KHDRBS2: variants seen among roughly 807,000 people sequenced by gnomAD.
KHDRBS2 encodes KH domain-containing, RNA-binding, signal transduction-associated protein 2.
In KHDRBS2, 26 loss-of-function variants were observed where a neutral mutation model predicts 44.3. The ratio of observed to expected loss-of-function variants is 0.59; its 90% confidence interval spans 0.43 to 0.81. The LOEUF is 0.81. Among genes scored for constraint, KHDRBS2 ranks in the 40% least tolerant of loss-of-function variants. KHDRBS2 has a pLI of 0.00. For missense variants in KHDRBS2, 476 were observed against 433.1 expected (o/e 1.10, Z -0.88); for synonymous variants, 194 against 151.1 (o/e 1.28, Z -2.08).
chr6:61,803,467 C>A (rs528120035), intron 6 of KHDRBS2, among the ~76,000 whole-genome samples: 58 of 152,178 alleles, frequency 3.8e-4, no homozygotes, highest in African/African-American at 1.3e-3. Flanking sequence ...ATAATAATAC[C>A]AGCCAACACT....
the KHDRBS2 span, among the ~76,000 whole-genome samples, chr6:61,608,212 G>A: frequency 0.62 from 93,337 of 151,480 alleles, 28,955 homozygotes; most frequent in Non-Finnish European, 0.65. Flanking sequence ...AGCTATATCA[G>A]TCTAACATTT....
At chr6:62,106,472 G>A (rs567027848) in intron 2 of KHDRBS2, among the ~76,000 whole-genome samples, 2 of 152,076 alleles carry the variant, frequency 1.3e-5, no homozygotes, top group Admixed American at 1.3e-4. Context: ...CCTGTATTGG[G>A]TGCATACATA....
chr6:61,996,797 C>G (rs1167304198), intron 3 of KHDRBS2, among the ~76,000 whole-genome samples: 1 of 149,832 alleles, frequency 6.7e-6, no homozygotes, highest in South Asian at 2.2e-4. Context: ...CCCCCTCACC[C>G]CCCCGAGATA....
the KHDRBS2 span, among the ~76,000 whole-genome samples, chr6:61,554,013 G>A: frequency 2.0e-5 from 3 of 152,018 alleles, no homozygotes; most frequent in Non-Finnish European, 4.4e-5. Flanking sequence ...ATGTCTCTTA[G>A]GTCTATTTTG....
chr6:62,026,272 A>G (rs1248214786), intron 3 of KHDRBS2, among the ~76,000 whole-genome samples: 3 of 151,744 alleles, frequency 2.0e-5, no homozygotes, highest in Non-Finnish European at 2.9e-5. Context: ...CAGTAAGCCT[A>G]TTACACCTGA....
At chr6:61,573,949 A>C in the KHDRBS2 span, among the ~76,000 whole-genome samples, 1 of 152,188 alleles carries the variant, frequency 6.6e-6, no homozygotes. Flanking sequence ...ACATAGACCA[A>C]TGGAACACAA....
At chr6:62,143,364 T>A (rs1303161591) in intron 2 of KHDRBS2, among the ~76,000 whole-genome samples, 1 of 152,022 alleles carries the variant, frequency 6.6e-6, no homozygotes, top group South Asian at 2.1e-4. Context: ...TATATTATAG[T>A]AGATAAACTA....
At chr6:61,581,904 A>C in the KHDRBS2 span, among the ~76,000 whole-genome samples, 1 of 151,594 alleles carries the variant, frequency 6.6e-6, no homozygotes, top group African/African-American at 2.4e-5. Flanking sequence ...TTACAAGAAA[A>C]ATTAGAAATT....
chr6:61,840,242 A>G (rs752739944), intron 6 of KHDRBS2, among the ~76,000 whole-genome samples: 1 of 152,082 alleles, frequency 6.6e-6, no homozygotes, highest in African/African-American at 2.4e-5. Flanking sequence ...ACTAGTAGCA[A>G]TGGATCTTTT....
At chr6:61,670,745 C>A in the KHDRBS2 span, among the ~76,000 whole-genome samples, 2 of 151,348 alleles carry the variant, frequency 1.3e-5, no homozygotes, top group South Asian at 2.1e-4. Context: ...TCCTCTTATA[C>A]TTTATAGATA....
chr6:62,092,477 T>C (rs1024663805), intron 2 of KHDRBS2, among the ~76,000 whole-genome samples: 5 of 152,186 alleles, frequency 3.3e-5, no homozygotes, highest in Admixed American at 2.0e-4. Context: ...AAAAGTTTCC[T>C]ATAAAGTTGG....
At chr6:62,005,720 T>TATTTATAAAG (rs1554320880) in intron 3 of KHDRBS2, among the ~76,000 whole-genome samples, 3 of 151,726 alleles carry the variant, frequency 2.0e-5, no homozygotes, top group Non-Finnish European at 4.4e-5. Context: ...AATAACAATA[T>TATTTATAAAG]ATTTATAAAG....
At chr6:61,848,491 G>GTATA (rs1180750340) in intron 6 of KHDRBS2, among the ~76,000 whole-genome samples, 13 of 30,470 alleles carry the variant, frequency 4.3e-4, no homozygotes, top group East Asian at 1.7e-3. Flanking sequence ...ATATATATAT[G>GTATA]TATATATATA....
intron 6 of KHDRBS2, among the ~76,000 whole-genome samples, chr6:61,773,561 A>C (rs1202685970): frequency 1.3e-5 from 2 of 149,408 alleles, no homozygotes; most frequent in Non-Finnish European, 3.0e-5. Flanking sequence ...TCAGAAGAGT[A>C]GGTTGCAAAA....
intron 1 of KHDRBS2, among the ~76,000 whole-genome samples, chr6:62,255,561 A>G (rs1837236212): frequency 1.3e-5 from 2 of 151,176 alleles, no homozygotes; most frequent in Non-Finnish European, 2.9e-5. Flanking sequence ...AATACTATTA[A>G]CAACCATGCA....
chr6:61,668,104 T>C, the KHDRBS2 span, among the ~76,000 whole-genome samples: 1 of 151,020 alleles, frequency 6.6e-6, no homozygotes, highest in African/African-American at 2.4e-5. Flanking sequence ...CAAGAGGGTC[T>C]ATTTTTTACC....
rs902676099 is a variant in KHDRBS2 at position 62,053,110 on chromosome 6, A to G, written c.220-5116T>C. ...CATTACATCATGTTGTATACCTTAA[A>G]TATATACAATAAAATGTATTAAAAA... On this transcript the variant is annotated intron_variant, in intron 2 of 8. Transcript: ENST00000281156. 3.9e-5 allele frequency among the ~76,000 whole-genome samples: 6 copies of G among 152,162 alleles called. No homozygotes were observed. The East Asian group carries it at 5.8e-4, about 15-fold the overall frequency.
intron 6 of KHDRBS2, among the ~76,000 whole-genome samples, chr6:61,743,645 T>C (rs1776456679): frequency 6.6e-6 from 1 of 152,078 alleles, no homozygotes; most frequent in Admixed American, 6.6e-5. Flanking sequence ...TTTATTATTA[T>C]TATACTTTAA....
chr6:61,586,824 C>T, the KHDRBS2 span, among the ~76,000 whole-genome samples: 93,575 of 151,904 alleles, frequency 0.62, 29,041 homozygotes, highest in Non-Finnish European at 0.65. Flanking sequence ...CCATATTCTC[C>T]ACATGCCTGA....
Sources: gnomAD v4.1 joint callset for allele counts (sites outside exome capture counted in the v4.1 genomes callset) on GRCh38, gnomAD v4.1.1 for gene constraint, MANE v1.5 for transcripts, NCBI Gene and HGNC (gene_info 2026-07-23, HGNC 2026-07-21) for gene names.